The following TMTC3 variants were observed in gnomAD, a reference collection of about 807,000 sequenced individuals.
TMTC3 encodes the protein transmembrane O-mannosyltransferase targeting cadherins 3.
A neutral mutation model predicts 92.2 loss-of-function variants in TMTC3; 52 were observed. That is an observed-to-expected ratio of 0.56 (90% CI 0.45 to 0.71). The LOEUF (loss-of-function observed/expected upper bound fraction) is 0.71. Ranked by LOEUF, TMTC3 falls within the 30% of genes least tolerant of loss-of-function variation. The pLI, the probability that TMTC3 is intolerant of heterozygous loss-of-function variation, is 0.00. For missense variants in TMTC3, 896 were observed against 1,057.1 expected (o/e 0.85, Z 2.11); for synonymous variants, 339 against 363.3 (o/e 0.93, Z 0.76).
chr12:88,158,099 G>T (rs1027348754), intron 4 of TMTC3, among the ~76,000 whole-genome samples: 2 of 152,012 alleles, frequency 1.3e-5, no homozygotes, highest in Non-Finnish European at 2.9e-5. Context: ...TTAAAAATGG[G>T]TATGATTACA....
intron 11 of TMTC3, 147 bp downstream of exon 11, chr12:88,189,093 AAT>A: frequency 3.6e-6 from 2 of 549,682 alleles, no homozygotes; most frequent in South Asian, 2.5e-5. Context: ...TAGCTTACTT[AAT>A]TTTTTTTTTT....
intron 8 of TMTC3, 39 bp from the exon 9 acceptor site, chr12:88,174,568 A>G (rs1231992267): frequency 1.9e-6 from 3 of 1,586,364 alleles, no homozygotes; most frequent in South Asian, 2.3e-5. Context: ...TTGGTGATGA[A>G]GACAATTTTT....
chr12:88,169,284 C>T (rs2041178724), intron 7 of TMTC3, among the ~76,000 whole-genome samples: 2 of 151,850 alleles, frequency 1.3e-5, no homozygotes, highest in Admixed American at 6.6e-5. Context: ...CTGGTAAATA[C>T]AGACAAAAGA....
chr12:88,153,333 T>C lies in TMTC3; in HGVS notation c.232T>C (p.Phe78Leu). 6.2e-7 allele frequency: 1 copy of C among 1,613,400 alleles called. No individual in the cohort carries two copies. The highest frequency in any genetic ancestry group is 2.2e-5 in the East Asian group (1 of 44,800). Residue 78 changes from phenylalanine (F) to leucine (L), a missense_variant, in exon 3 of 14, where the codon TTT (phenylalanine) becomes CTT (leucine). Coordinates refer to ENST00000266712, the MANE Select transcript of TMTC3 (RefSeq NM_181783.4). Reference sequence around the variant, plus strand: ...TTACCGTCCCTTAACAGTATTGACATTTCGCTTAAATTATTTGTTAAGTGA... The same window carrying C: ...TTACCGTCCCTTAACAGTATTGACACTTCGCTTAAATTATTTGTTAAGTGA... ...KSYRPLTVLT[F>L]RLNYLLSELK...
chr12:88,191,596 T>C (rs535079316), intron 12 of TMTC3, among the ~76,000 whole-genome samples: 1 of 152,296 alleles, frequency 6.6e-6, no homozygotes, highest in East Asian at 1.9e-4. Context: ...ACTAGAAAGA[T>C]TTATACAATG....
intron 6 of TMTC3, among the ~76,000 whole-genome samples, chr12:88,163,597 G>C (rs145872349): frequency 6.6e-6 from 1 of 152,140 alleles, no homozygotes; most frequent in Admixed American, 6.5e-5. Context: ...ACTGTCTGCT[G>C]GTTTCTGGTG....
chr12:88,169,330 C>T (rs1007066164), intron 7 of TMTC3, among the ~76,000 whole-genome samples: 23 of 151,530 alleles, frequency 1.5e-4, no homozygotes, highest in African/African-American at 5.6e-4. Flanking sequence ...CTGGAGTTTT[C>T]CTAAAAGAAA....
At chr12:88,161,217 G>A (rs2471543) in intron 6 of TMTC3, among the ~76,000 whole-genome samples, 139,993 of 152,114 alleles carry the variant, frequency 0.92, 64,622 homozygotes, top group East Asian at 0.99. Context: ...TTGCACTTCT[G>A]TCGGTTTTTG....
intron 4 of TMTC3, among the ~76,000 whole-genome samples, chr12:88,155,549 C>G (rs2040997506): frequency 1.3e-5 from 2 of 152,164 alleles, no homozygotes; most frequent in African/African-American, 2.4e-5. Context: ...TCTTGCTGTT[C>G]CCAAACAGGC....
chr12:88,177,181 C>A (rs564313531), intron 10 of TMTC3, among the ~76,000 whole-genome samples: 1 of 151,890 alleles, frequency 6.6e-6, no homozygotes, highest in Non-Finnish European at 1.5e-5. Context: ...CAAAAATTAG[C>A]CAGGTATTGT....
At chr12:88,194,785 C>T (rs980511331) in intron 13 of TMTC3, 53 bp from the exon 14 acceptor site, 6 of 1,164,154 alleles carry the variant, frequency 5.2e-6, no homozygotes, top group Non-Finnish European at 4.5e-6. Flanking sequence ...CTTTGTTCCT[C>T]ACATTTAATT....
At chr12:88,166,695 C>G in intron 7 of TMTC3, 113 bp downstream of exon 7, 1 of 1,172,772 alleles carries the variant, frequency 8.5e-7, no homozygotes, top group East Asian at 2.6e-5. Flanking sequence ...CTTTGTTCAA[C>G]GGCATCCCAA....
chr12:88,174,795 T>C, intron 9 of TMTC3, 68 bp downstream of exon 9: 1 of 1,582,466 alleles, frequency 6.3e-7, no homozygotes, highest in Non-Finnish European at 8.6e-7. Context: ...TTCTAAGCTG[T>C]TTTAACTTTG....
Position 88,153,519 on chromosome 12 carries a change from A to G in TMTC3, c.408+10A>G. 1.3e-6 allele frequency: 2 copies of G among 1,513,706 alleles called. No homozygotes were observed. The highest frequency in any genetic ancestry group is 1.8e-6 in the Non-Finnish European group (2 of 1,102,038). 93.8% of individuals were successfully genotyped at this position (1,513,706 alleles called of 1,614,324 possible). ...AATACACACAGAAGCAGTAAGTAAA[A>G]CTATGAACTGACTTTTTTTCTTTTT... is the stretch of plus-strand genomic sequence containing the variant. On this transcript the variant is annotated intron_variant, in intron 3 of 13. Coordinates refer to ENST00000266712, the MANE Select transcript of TMTC3 (RefSeq NM_181783.4).
intron 13 of TMTC3, among the ~76,000 whole-genome samples, chr12:88,193,538 C>T (rs548799540): frequency 6.6e-6 from 1 of 151,968 alleles, no homozygotes; most frequent in South Asian, 2.1e-4. Context: ...ATCATAAAGT[C>T]GTAGTATTTT....
intron 4 of TMTC3, among the ~76,000 whole-genome samples, chr12:88,155,293 A>G (rs918290767): frequency 1.5e-4 from 23 of 152,200 alleles, no homozygotes; most frequent in African/African-American, 5.5e-4. Context: ...ACATTTCTTT[A>G]TCTGTTAAAT....
At chr12:88,167,912 T>G (rs1305961602) in intron 7 of TMTC3, among the ~76,000 whole-genome samples, 1 of 152,182 alleles carries the variant, frequency 6.6e-6, no homozygotes, top group Non-Finnish European at 1.5e-5. Context: ...TAGAGCAGCC[T>G]TTCTCAACTG....
At chr12:88,189,043 G>A (rs141482743) in intron 11 of TMTC3, 97 bp downstream of exon 11, 4 of 692,980 alleles carry the variant, frequency 5.8e-6, no homozygotes, top group Middle Eastern at 3.6e-4. Flanking sequence ...TCTTCAGTTA[G>A]TTGATATAAA....
chr12:88,185,255 C>G (rs1341992872), intron 10 of TMTC3, among the ~76,000 whole-genome samples: 2 of 152,126 alleles, frequency 1.3e-5, no homozygotes, highest in African/African-American at 4.8e-5. Context: ...CCCCAGCCTT[C>G]TCTAAGCAAA....
Sources: gnomAD v4.1 joint callset for allele counts (sites outside exome capture counted in the v4.1 genomes callset) on GRCh38, gnomAD v4.1.1 for gene constraint, MANE v1.5 for transcripts, NCBI Gene and HGNC (gene_info 2026-07-23, HGNC 2026-07-21) for gene names.